Variants in HECW2 observed in about 807,000 individuals in gnomAD.
The protein encoded by HECW2 is HECT, C2 and WW domain containing E3 ubiquitin protein ligase 2.
A neutral mutation model predicts 175.2 loss-of-function variants in HECW2; 61 were observed. That is an observed-to-expected ratio of 0.35 (90% CI 0.28 to 0.43). The LOEUF (loss-of-function observed/expected upper bound fraction) is 0.43. Ranked by LOEUF, HECW2 falls within the 20% of genes least tolerant of loss-of-function variation. The pLI, the probability that HECW2 is intolerant of heterozygous loss-of-function variation, is 1.00. For synonymous variants in HECW2, 671 were observed against 731.0 expected (o/e 0.92, Z 1.32); for missense variants, 1,524 against 2,000.5 (o/e 0.76, Z 4.54).
chr2:196,408,260 A>C (rs1432759725), intron 2 of HECW2, among the ~76,000 whole-genome samples: 1 of 152,218 alleles, frequency 6.6e-6, no homozygotes, highest in Non-Finnish European at 1.5e-5. Context: ...ATGAGTTATA[A>C]TGGTATAATG....
intron 2 of HECW2, among the ~76,000 whole-genome samples, chr2:196,369,342 GTCTC>G (rs71410611): frequency 0.04 from 5,320 of 131,414 alleles, 118 homozygotes; most frequent in Middle Eastern, 0.069. Context: ...AACAAATGGA[GTCTC>G]TCTCTCTCTC....
At chr2:196,486,656 T>G (rs1485681146) in intron 1 of HECW2, among the ~76,000 whole-genome samples, 1 of 152,160 alleles carries the variant, frequency 6.6e-6, no homozygotes, top group African/African-American at 2.4e-5. Flanking sequence ...TAATTATTAC[T>G]GCAAACTTGG....
At chr2:196,484,908 C>T (rs558625138) in intron 1 of HECW2, among the ~76,000 whole-genome samples, 6 of 152,264 alleles carry the variant, frequency 3.9e-5, no homozygotes, top group South Asian at 2.1e-4. Context: ...AGCAACCCTC[C>T]GGCTGTACTT....
At chr2:196,341,152 A>C (rs1287238129) in intron 3 of HECW2, among the ~76,000 whole-genome samples, 1 of 152,204 alleles carries the variant, frequency 6.6e-6, no homozygotes, top group Non-Finnish European at 1.5e-5. Flanking sequence ...GCTTTTTCTC[A>C]CATTATATTC....
intron 28 of HECW2, among the ~76,000 whole-genome samples, chr2:196,213,579 T>C (rs955720598): frequency 1.3e-5 from 2 of 152,204 alleles, no homozygotes; most frequent in African/African-American, 4.8e-5. Flanking sequence ...AAGAGGCTGC[T>C]TGCTCAATGT....
rs554629944 is a variant in HECW2 at position 196,531,222 on chromosome 2, T to A, written c.-36+62286A>T. 1.9e-4 allele frequency among the ~76,000 whole-genome samples: 29 copies of A among 152,350 alleles called. No homozygotes were observed. In the South Asian group the frequency reaches 4.4e-3, roughly 23 times the overall value. On this transcript the variant is annotated intron_variant, in intron 1 of 28. Transcript: ENST00000644978. ...AATGACCTTTAAGAGGAGAGCTGCC[T>A]ATCACCCTGGTTTGCTGACTAATTC...
chr2:196,560,548 T>A lies in HECW2; in HGVS notation c.-36+32960A>T, dbSNP rs569569544. Reference sequence around the variant, plus strand: ...AAAATCTTAATTGCATGTTCATTTTTTTGGATAATCTAAAAGATATATATT... The same window carrying A: ...AAAATCTTAATTGCATGTTCATTTTATTGGATAATCTAAAAGATATATATT... On this transcript the variant is annotated intron_variant, in intron 1 of 28. Transcript: ENST00000644978. Among the ~76,000 whole-genome samples, 6 of 152,336 alleles carry A rather than the reference T, an allele frequency of 3.9e-5. No individual in the cohort carries two copies. In the South Asian group the frequency reaches 1.2e-3, roughly 32 times the overall value.
At chr2:196,472,570 G>T (rs1053658427) in intron 1 of HECW2, among the ~76,000 whole-genome samples, 2 of 151,560 alleles carry the variant, frequency 1.3e-5, no homozygotes, top group African/African-American at 4.8e-5. Flanking sequence ...ATTTAAAAAG[G>T]CAGATCAGAA....
At chr2:196,328,315 G>T (rs1054701955) in intron 5 of HECW2, among the ~76,000 whole-genome samples, 1 of 152,110 alleles carries the variant, frequency 6.6e-6, no homozygotes, top group African/African-American at 2.4e-5. Flanking sequence ...GTGCCCTTCT[G>T]CAAACCTAGA....
At chr2:196,507,683 G>C (rs1687815287) in intron 1 of HECW2, among the ~76,000 whole-genome samples, 2 of 152,286 alleles carry the variant, frequency 1.3e-5, no homozygotes, top group South Asian at 4.1e-4. Flanking sequence ...CTATCACTGA[G>C]TTAAAACATT....
chr2:196,298,672 G>A (rs1050952713), intron 13 of HECW2, among the ~76,000 whole-genome samples: 48 of 151,652 alleles, frequency 3.2e-4, no homozygotes, highest in African/African-American at 1.1e-3. Flanking sequence ...GACAGGCCCC[G>A]GTGTGTGATG....
intron 1 of HECW2, among the ~76,000 whole-genome samples, chr2:196,513,783 A>G (rs937954619): frequency 2.0e-5 from 3 of 152,250 alleles, no homozygotes; most frequent in Admixed American, 1.3e-4. Context: ...TGGTGCTCAA[A>G]GAGGGGTCCA....
chr2:196,552,498 A>G (rs114479933), intron 1 of HECW2, among the ~76,000 whole-genome samples: 1 of 152,358 alleles, frequency 6.6e-6, no homozygotes, highest in Non-Finnish European at 1.5e-5. Context: ...AAACAGAGAT[A>G]TATTCATAGT....
At position 196,593,509 on chromosome 2, in the gene HECW2, T is replaced by G. The variant is rs1426624995; in HGVS notation, c.-37A>C. The G allele has an allele frequency of 6.6e-6, 1 of 152,116 alleles. No individual in the cohort carries two copies. The highest frequency in any genetic ancestry group is 1.9e-4 in the East Asian group (1 of 5,144). The allele number at this position is 152,116 out of a possible 1,614,324, so 9.4% of individuals were successfully genotyped here. On this transcript the variant is annotated splice_region_variant and 5_prime_UTR_variant, in exon 1 of 29. Transcript: ENST00000644978. ...GAGCGAAGAGTCCGGCCTCCTCACCTCCAGCCGCGCCGGCGCCCTTCCCGC... is the reference window on the plus strand; with the variant it reads ...GAGCGAAGAGTCCGGCCTCCTCACCGCCAGCCGCGCCGGCGCCCTTCCCGC...
chr2:196,431,142 A>T (rs1056995487), intron 2 of HECW2, among the ~76,000 whole-genome samples: 1 of 152,212 alleles, frequency 6.6e-6, no homozygotes, highest in African/African-American at 2.4e-5. Context: ...ATGAAGAGTT[A>T]TCATTTTTCA....
intron 19 of HECW2, among the ~76,000 whole-genome samples, chr2:196,244,394 C>A (rs1027599870): frequency 6.6e-6 from 1 of 152,154 alleles, no homozygotes; most frequent in African/African-American, 2.4e-5. Flanking sequence ...AATTAAATTT[C>A]AAATTTAAAA....
At chr2:196,536,176 C>T (rs1575648978) in intron 1 of HECW2, among the ~76,000 whole-genome samples, 1 of 152,216 alleles carries the variant, frequency 6.6e-6, no homozygotes, top group East Asian at 1.9e-4. Context: ...CTGAACAAGC[C>T]GATAATTAAT....
chr2:196,359,501 T>A (rs1693508863), intron 2 of HECW2, among the ~76,000 whole-genome samples: 1 of 152,100 alleles, frequency 6.6e-6, no homozygotes, highest in African/African-American at 2.4e-5. Context: ...TTAAGCCTGC[T>A]CTCAAAGATA....
chr2:196,567,348 T>A (rs1041657888), intron 1 of HECW2, among the ~76,000 whole-genome samples: 1 of 152,248 alleles, frequency 6.6e-6, no homozygotes, highest in Non-Finnish European at 1.5e-5. Context: ...GTGCCTATTA[T>A]AGCAGCTTAG....
Sources: allele counts gnomAD v4.1 joint callset (sites outside exome capture counted in the v4.1 genomes callset), GRCh38; gene constraint gnomAD v4.1.1; transcripts MANE v1.5; gene names NCBI Gene and HGNC (gene_info 2026-07-23, HGNC 2026-07-21).